RPS18: variants seen among roughly 807,000 people sequenced by gnomAD.
The protein encoded by RPS18 is small ribosomal subunit protein uS13.
For missense variants in RPS18, 49 were observed against 200.8 expected, an observed-to-expected ratio of 0.24 and a Z score of 4.57; for synonymous variants, 64 against 70.9, an observed-to-expected ratio of 0.90 and a Z score of 0.49.
chr6:33,275,549 C>T (rs1054110043), intron 2 of RPS18: 1 of 530,972 alleles, frequency 1.9e-6, no homozygotes, highest in Non-Finnish European at 3.4e-6. Flanking sequence ...AACTCCTGCC[C>T]TCAATGTCAT....
At chr6:33,275,908 G>T (rs1562598412) in intron 3 of RPS18, 25 bp downstream of exon 3, 1 of 1,604,408 alleles carries the variant, frequency 6.2e-7, no homozygotes, top group Non-Finnish European at 8.5e-7. Context: ...GGGGGCTGGG[G>T]GTGGGGTCAG....
At chr6:33,273,289 AGAATC>A (rs1194656054) in intron 2 of RPS18, among the ~76,000 whole-genome samples, 1 of 152,250 alleles carries the variant, frequency 6.6e-6, no homozygotes, top group Non-Finnish European at 1.5e-5. Flanking sequence ...TTGGCTTTTA[AGAATC>A]GAATCAATGA....
rs966935011 is a variant in RPS18, at chr6:33,275,777, A to C, written c.103-20A>C. On this transcript the variant is annotated intron_variant, in intron 2 of 5. Transcript: ENST00000439602. ...AAAATCAGATTCAACACTAATTCCG[A>C]AACCCCTCACTTCATTCAGGGTGTG... 1.9e-6 allele frequency: 3 copies of C among 1,541,634 alleles called. No homozygotes were observed. The highest frequency in any genetic ancestry group is 1.8e-6 in the Non-Finnish European group (2 of 1,115,576).
chr6:33,274,090 G>C (rs1057426846), intron 2 of RPS18, among the ~76,000 whole-genome samples: 1 of 152,136 alleles, frequency 6.6e-6, no homozygotes, highest in Admixed American at 6.6e-5. Context: ...GCTAATTTTT[G>C]TATTTTTAGA....
intron 2 of RPS18, among the ~76,000 whole-genome samples, chr6:33,273,059 C>A (rs558226336): frequency 2.6e-5 from 4 of 152,320 alleles, no homozygotes; most frequent in African/African-American, 9.6e-5. Flanking sequence ...CTTTACCCAT[C>A]CCACCATCAT....
intron 2 of RPS18, among the ~76,000 whole-genome samples, chr6:33,273,602 C>T (rs909042738): frequency 6.6e-6 from 1 of 152,124 alleles, no homozygotes; most frequent in Non-Finnish European, 1.5e-5. Flanking sequence ...ACTAATAAGG[C>T]AGTGTGAAAT....
In RPS18 at chr6:33,275,902, G is replaced by A. The variant is rs886965574; in HGVS notation, c.189+19G>A. 7 of 1,608,150 alleles carry A rather than the reference G, an allele frequency of 4.4e-6. No individual in the cohort carries two copies. Among genetic ancestry groups the A allele is most frequent in the Non-Finnish European group, 6.0e-6 (7 of 1,174,740 alleles). ...GGATGAGGTGAGGACAAGGAAGGGG[G>A]CTGGGGGTGGGGTCAGCCTCAGAAA... On this transcript the variant is annotated intron_variant, in intron 3 of 5. Transcript: ENST00000439602.
rs543866544 is a variant in RPS18 at position 33,276,292 on chromosome 6, G to A, written c.383+25G>A. ...GGTGAGTGGGGGGTCTCATCTCCCT[G>A]CCTACCTCGACTCAGCATTCCTCCT... On this transcript the variant is annotated intron_variant, in intron 5 of 5. Transcript: ENST00000439602. The A allele has an allele frequency of 1.9e-4, 304 of 1,607,344 alleles. 8 individuals are homozygous for A. In the South Asian group the frequency reaches 3.1e-3, roughly 17 times the overall value.
intron 2 of RPS18, 146 bp downstream of exon 2, chr6:33,272,872 G>A (rs1765329026): frequency 1.5e-6 from 1 of 652,576 alleles, no homozygotes; most frequent in East Asian, 2.7e-5. Context: ...GGTTTAGGGA[G>A]AGACTGACCC....
chr6:33,273,843 G>T (rs1765448194), intron 2 of RPS18, among the ~76,000 whole-genome samples: 1 of 152,182 alleles, frequency 6.6e-6, no homozygotes, highest in Non-Finnish European at 1.5e-5. Context: ...CGGATCCCCT[G>T]AGGTCAGGAG....
At position 33,276,463 on chromosome 6, in the gene RPS18, A is replaced by G. The variant is rs937972462; in HGVS notation, c.456A>G (p.Lys152=). 3 of 1,608,130 alleles carry G rather than the reference A, an allele frequency of 1.9e-6. No individual in the cohort carries two copies. Among genetic ancestry groups the G allele is most frequent in the African/African-American group, 1.3e-5 (1 of 74,716 alleles). The change falls in exon 6 of 6, where the codon AAA becomes AAG. Residue 152 remains lysine, a synonymous_variant. Coordinates refer to ENST00000439602, the MANE Select transcript of RPS18 (RefSeq NM_022551.3). ...RGRTVGVSKK[K] is the part of the protein sequence containing the mutation. Reference sequence around the variant, plus strand: ...GCACCGTGGGTGTGTCCAAGAAGAAATAAGTCTGTAGGCCTTGTCTGTTAA... The same window carrying G: ...GCACCGTGGGTGTGTCCAAGAAGAAGTAAGTCTGTAGGCCTTGTCTGTTAA...
At position 33,272,103 on chromosome 6, in the gene RPS18, C is replaced by T. The variant is rs781088005; in HGVS notation, c.-17C>T. The T allele has an allele frequency of 3.8e-6, 6 of 1,567,058 alleles. No individual in the cohort carries two copies. The highest frequency in any genetic ancestry group is 1.2e-5 in the South Asian group (1 of 85,278). On this transcript the variant is annotated 5_prime_UTR_variant, in exon 1 of 6. Transcript: ENST00000439602. ...TCTTCCACAGGAGGCCTACACGCCG[C>T]CGCTTGTGCTGCAGCCATGGTAAGA...
intron 2 of RPS18, among the ~76,000 whole-genome samples, chr6:33,273,357 C>T (rs1040047695): frequency 1.3e-5 from 2 of 152,132 alleles, no homozygotes; most frequent in Admixed American, 6.5e-5. Flanking sequence ...CTAATGAATT[C>T]TTGGCTTTCT....
At chr6:33,273,063 C>G (rs143206063) in intron 2 of RPS18, among the ~76,000 whole-genome samples, 11 of 152,338 alleles carry the variant, frequency 7.2e-5, no homozygotes, top group South Asian at 4.1e-4. Flanking sequence ...ACCCATCCCA[C>G]CATCATAACA....
rs182056506 is a variant in RPS18, at chr6:33,272,614, A to C, written c.4-14A>C. 8.0e-6 allele frequency: 9 copies of C among 1,131,138 alleles called. No individual in the cohort carries two copies. In the East Asian group the frequency reaches 2.1e-4, roughly 26 times the overall value. 70.1% of individuals were successfully genotyped at this position (1,131,138 alleles called of 1,614,324 possible). A position where few individuals can be genotyped will look rare whatever the true frequency, so the allele number is the denominator to read the frequency against. On this transcript the variant is annotated splice_polypyrimidine_tract_variant and intron_variant, in intron 1 of 5. Coordinates refer to ENST00000439602, the MANE Select transcript of RPS18 (RefSeq NM_022551.3). ...TACTGTGTCTGATTTCTTCCCCCGT[A>C]CTTTTTCAACTAGTCTCTAGTGATC...
chr6:33,276,105 G>T, intron 4 of RPS18, 39 bp downstream of exon 4: 1 of 1,604,714 alleles, frequency 6.2e-7, no homozygotes, highest in Non-Finnish European at 8.5e-7. Context: ...AGGAAGGGTG[G>T]AGGGTCCTAA....
Position 33,276,160 on chromosome 6 carries a change from C to T in RPS18, c.292-16C>T, listed in dbSNP as rs369065890. 11 of 1,613,262 alleles carry T rather than the reference C, an allele frequency of 6.8e-6. No individual in the cohort carries two copies. The highest frequency in any genetic ancestry group is 6.7e-5 in the African/African-American group (5 of 74,872). On this transcript the variant is annotated splice_polypyrimidine_tract_variant and intron_variant, in intron 4 of 5. Transcript: ENST00000439602. Reference sequence around the variant, plus strand: ...TCAGGGGATAAAACATCCCTTGCCCCCTCCTCTGAATCCAGGTCCTAGCCA... The same window carrying T: ...TCAGGGGATAAAACATCCCTTGCCCTCTCCTCTGAATCCAGGTCCTAGCCA...
intron 2 of RPS18, among the ~76,000 whole-genome samples, chr6:33,273,832 G>A (rs1025935444): frequency 1.3e-5 from 2 of 152,148 alleles, no homozygotes; most frequent in Admixed American, 1.3e-4. Context: ...GCTGAAGTGG[G>A]CGGATCCCCT....
chr6:33,272,603 T>A (rs1460798076), intron 1 of RPS18, 25 bp from the exon 2 acceptor site: 7 of 991,810 alleles, frequency 7.1e-6, no homozygotes, highest in Non-Finnish European at 1.1e-5. Context: ...GTGTCTGATT[T>A]CTTCCCCCGT....
Sources: allele counts gnomAD v4.1 joint callset (sites outside exome capture counted in the v4.1 genomes callset), GRCh38; gene constraint gnomAD v4.1.1; transcripts MANE v1.5; gene names NCBI Gene and HGNC (gene_info 2026-07-23, HGNC 2026-07-21).